ADH1C: variants seen among roughly 807,000 people sequenced by gnomAD.
The protein encoded by ADH1C is alcohol dehydrogenase 1C (class I), gamma polypeptide, also known as alcohol dehydrogenase 1C.
Under a neutral mutation model 35.0 loss-of-function variants are expected in ADH1C, and 26 were observed. That is an observed-to-expected ratio of 0.74 (90% confidence interval 0.54 to 1.03). The LOEUF is 1.03. Ranked by LOEUF, ADH1C falls within the 50% of genes least tolerant of loss-of-function variation. ADH1C has a pLI of 0.00. For missense variants in ADH1C, 413 were observed against 465.4 expected (o/e 0.89, Z 1.04); for synonymous variants, 170 against 169.3 (o/e 1.00, Z -0.03).
chr4:99,344,881 G>C lies in ADH1C; in HGVS notation c.548C>G (p.Ser183Cys). ...TTCTACCTTGGCAACTTTGACTGCA[G>C]ACCCATAACCAGTCGAAAATCCACA... ...IGCGFSTGYGSAVKVAKVTPG... is the reference protein window; with the variant it reads ...IGCGFSTGYGCAVKVAKVTPG... The change falls in exon 5 of 9, where the codon TCT becomes TGT. Residue 183 changes from serine (S) to cysteine (C), a missense_variant. Ser to Cys is a moderately radical substitution (Grantham distance 112). Transcript: ENST00000515683. The C allele has an allele frequency of 6.2e-7, 1 of 1,614,140 alleles. No homozygotes were observed. The highest frequency in any genetic ancestry group is 8.5e-7 in the Non-Finnish European group (1 of 1,180,032).
At chr4:99,348,112 ATTTT>A (rs1734585199) in intron 1 of ADH1C, among the ~76,000 whole-genome samples, 1 of 151,894 alleles carries the variant, frequency 6.6e-6, no homozygotes, top group African/African-American at 2.4e-5. Flanking sequence ...TTTTTATTTT[ATTTT>A]ATTTTTTTTG....
At chr4:99,338,950 AT>A (rs1734348653) in intron 8 of ADH1C, among the ~76,000 whole-genome samples, 1 of 151,994 alleles carries the variant, frequency 6.6e-6, no homozygotes, top group African/African-American at 2.4e-5. Flanking sequence ...AGGAAATAGA[AT>A]TGGCTTATTT....
rs375107720 is a variant in ADH1C at position 99,342,813 on chromosome 4, G to T, written c.810C>A (p.Ile270=). ...ATCATACCATGGTGTCAAGCCGACCGATGACTTCAAACGAAAAATCCACAC... is the reference window on the plus strand; with the variant it reads ...ATCATACCATGGTGTCAAGCCGACCTATGACTTCAAACGAAAAATCCACAC... ...DGGVDFSFEV[I]GRLDTMMASL... The change falls in exon 6 of 9, where the codon ATC becomes ATA. Residue 270 remains isoleucine (I), a synonymous_variant. Coordinates refer to ENST00000515683, the MANE Select transcript of ADH1C (RefSeq NM_000669.5). The T allele has an allele frequency of 2.5e-6, 4 of 1,613,978 alleles. No homozygotes were observed. Among genetic ancestry groups the T allele is most frequent in the Non-Finnish European group, 3.4e-6 (4 of 1,179,880 alleles).
chr4:99,348,834 T>G (rs1355029862), intron 1 of ADH1C, among the ~76,000 whole-genome samples: 2 of 152,224 alleles, frequency 1.3e-5, no homozygotes, highest in Non-Finnish European at 2.9e-5. Flanking sequence ...TGGTGTGAGA[T>G]GGTATCTCAT....
intron 5 of ADH1C, 68 bp from the exon 6 acceptor site, chr4:99,343,123 G>T (rs1734456137): frequency 6.4e-7 from 1 of 1,572,816 alleles, no homozygotes; most frequent in Middle Eastern, 1.7e-4. Flanking sequence ...GCTTTATAAA[G>T]TGCCATGTCT....
intron 1 of ADH1C, among the ~76,000 whole-genome samples, chr4:99,349,722 T>A (rs1257446447): frequency 6.6e-6 from 1 of 152,222 alleles, no homozygotes. Context: ...TTTGTTCATC[T>A]AATTTATGTG....
intron 7 of ADH1C, among the ~76,000 whole-genome samples, chr4:99,340,344 G>T (rs1734382664): frequency 6.6e-6 from 1 of 152,176 alleles, no homozygotes; most frequent in African/African-American, 2.4e-5. Flanking sequence ...AACCTGTGAG[G>T]TGGAGGTTGC....
At chr4:99,336,999 T>C (rs1296839839) in intron 8 of ADH1C, among the ~76,000 whole-genome samples, 1 of 152,284 alleles carries the variant, frequency 6.6e-6, no homozygotes, top group East Asian at 1.9e-4. Context: ...CAAAACCTCC[T>C]GAGTATGCCT....
At chr4:99,343,144 C>A in intron 5 of ADH1C, 89 bp from the exon 6 acceptor site, 1 of 1,522,532 alleles carries the variant, frequency 6.6e-7, no homozygotes, top group Admixed American at 2.0e-5. Flanking sequence ...TGTGTGTTAT[C>A]AAGAACTACT....
At position 99,345,251 on chromosome 4, in the gene ADH1C, GGGA is replaced by G; in HGVS notation, c.272_274del (p.Ile91_Pro92delinsThr). 6.2e-7 allele frequency: 1 copy of G among 1,613,756 alleles called. No homozygotes were observed. Reference sequence around the variant, plus strand: ...TTTTCCACACTGAGGAGTAAAGAGCGGGATGACTTTATCACCTGCAGAGGAATA... The same window carrying G: ...TTTTCCACACTGAGGAGTAAAGAGCGTGACTTTATCACCTGCAGAGGAATA... On this transcript the variant is annotated inframe_deletion, in exon 4 of 9. Transcript: ENST00000515683.
At chr4:99,338,260 C>G (rs942295314) in intron 8 of ADH1C, among the ~76,000 whole-genome samples, 1 of 150,118 alleles carries the variant, frequency 6.7e-6, no homozygotes, top group Non-Finnish European at 1.5e-5. Context: ...TAGGCATGCT[C>G]CATGCCTTCT....
chr4:99,339,952 G>C (rs994502525), intron 7 of ADH1C, among the ~76,000 whole-genome samples: 1 of 152,208 alleles, frequency 6.6e-6, no homozygotes, highest in African/African-American at 2.4e-5. Context: ...TAGTACAGAT[G>C]TTATGCCCAA....
intron 8 of ADH1C, 65 bp downstream of exon 8, chr4:99,339,512 G>GGCCCC: frequency 1.3e-6 from 1 of 742,266 alleles, no homozygotes. Context: ...GCTAGACAAC[G>GGCCCC]CCCCCCCCCC....
At chr4:99,347,701 T>G in intron 2 of ADH1C, 44 bp downstream of exon 2, 1 of 1,528,300 alleles carries the variant, frequency 6.5e-7, no homozygotes, top group Non-Finnish European at 8.8e-7. Flanking sequence ...ATTTTCTGAA[T>G]TCTTTAAACT....
Position 99,352,702 on chromosome 4 carries a change from G to A in ADH1C, c.-27C>T. On this transcript the variant is annotated 5_prime_UTR_variant, in exon 1 of 9. Coordinates refer to ENST00000515683, the MANE Select transcript of ADH1C (RefSeq NM_000669.5). Reference sequence around the variant, plus strand: ...TTGATTCTGTCTTCTCTGCAGACCAGGAGGCTGGTGAGTACTTGTGGATTT... The same window carrying A: ...TTGATTCTGTCTTCTCTGCAGACCAAGAGGCTGGTGAGTACTTGTGGATTT... 5.6e-6 allele frequency: 9 copies of A among 1,612,444 alleles called. No homozygotes were observed. The highest frequency in any genetic ancestry group is 2.2e-5 in the East Asian group (1 of 44,814).
Position 99,342,367 on chromosome 4 carries a change from C to T in ADH1C, c.828+428G>A, listed in dbSNP as rs571929236. Reference sequence around the variant, plus strand: ...TCTAAAATTGCTCATTTCTTTTGACCGAAGAATACTATGTCAAAAAGTTTG... The same window carrying T: ...TCTAAAATTGCTCATTTCTTTTGACTGAAGAATACTATGTCAAAAAGTTTG... On this transcript the variant is annotated intron_variant, in intron 6 of 8. Coordinates refer to ENST00000515683, the MANE Select transcript of ADH1C (RefSeq NM_000669.5). 1.4e-3 allele frequency among the ~76,000 whole-genome samples: 215 copies of T among 151,800 alleles called. 1 individual carries two copies. The highest frequency in any genetic ancestry group is 4.8e-3 in the African/African-American group (199 of 41,380).
intron 3 of ADH1C, among the ~76,000 whole-genome samples, chr4:99,345,884 C>G (rs754615355): frequency 2.6e-5 from 4 of 152,166 alleles, no homozygotes; most frequent in Non-Finnish European, 4.4e-5. Flanking sequence ...CTACCTTCCA[C>G]AACAAGTTAG....
At chr4:99,343,088 A>T (rs1300436346) in intron 5 of ADH1C, 33 bp from the exon 6 acceptor site, 1 of 1,604,426 alleles carries the variant, frequency 6.2e-7, no homozygotes, top group Admixed American at 1.7e-5. Flanking sequence ...AATGAATTAA[A>T]TAATGTTTGT....
In ADH1C at chr4:99,339,676, T is replaced by G; in HGVS notation, c.1004A>C (p.Asp335Ala). ...SKESVPKLVA[D>A]FMAKKFSLDA... is the part of the protein sequence containing the mutation. The stretch of plus-strand genomic sequence containing the variant: ...CAGTGAAAACTTCTTAGCCATAAAG[T>G]CAGCCACAAGTTTGGGGACAGATTC... The change falls in exon 8 of 9, where the codon GAC becomes GCC. Residue 335 changes from aspartate (D) to alanine (A), a missense_variant. Asp to Ala is a moderately radical substitution (Grantham distance 126). Coordinates refer to ENST00000515683, the MANE Select transcript of ADH1C (RefSeq NM_000669.5). 1 of 1,612,198 alleles carries G rather than the reference T, an allele frequency of 6.2e-7. No individual in the cohort carries two copies. The highest frequency in any genetic ancestry group is 8.5e-7 in the Non-Finnish European group (1 of 1,179,368).
Sources: gnomAD v4.1 joint callset for allele counts (sites outside exome capture counted in the v4.1 genomes callset) on GRCh38, gnomAD v4.1.1 for gene constraint, MANE v1.5 for transcripts, NCBI Gene and HGNC (gene_info 2026-07-23, HGNC 2026-07-21) for gene names.